SCNN1D: variants seen among roughly 807,000 people sequenced by gnomAD.
SCNN1D encodes epithelial sodium channel subunit delta.
SCNN1D carries 104 observed loss-of-function variants against 87.8 expected under a neutral mutation model. The ratio of observed to expected loss-of-function variants is 1.18; its 90% confidence interval spans 1.01 to 1.39. The LOEUF is 1.39. Among genes scored for constraint, SCNN1D ranks in the 40% most tolerant of loss-of-function variants. The probability of loss-of-function intolerance (pLI) is 0.00; values close to 1 mark genes in which losing one functional copy is unlikely to be tolerated. For missense variants in SCNN1D, 1,324 were observed against 1,093.9 expected, an observed-to-expected ratio of 1.21 and a Z score of -2.97; for synonymous variants, 628 against 481.2, an observed-to-expected ratio of 1.31 and a Z score of -3.99.
In SCNN1D at chr1:1,290,329, A is replaced by G; in HGVS notation, c.1721A>G (p.Tyr574Cys). ...GTGGAGACCTGCTCCTGTGGCTACT[A>G]CCTCCACCCTCTGCCGGCGGGGGCT... Reference protein sequence around the residue: ...LMVETCSCGYYLHPLPAGAEY... With the variant: ...LMVETCSCGYCLHPLPAGAEY... Residue 574 changes from tyrosine to cysteine, a missense_variant, in exon 13 of 18, where the codon TAC becomes TGC. By Grantham distance (194) the Tyr-to-Cys change is radical. Transcript: ENST00000379116. The G allele has an allele frequency of 6.3e-7, 1 of 1,594,480 alleles. No homozygotes were observed.
chr1:1,284,307 GT>G (rs1640538370), intron 5 of SCNN1D, among the ~76,000 whole-genome samples: 1 of 102,200 alleles, frequency 9.8e-6, no homozygotes. Flanking sequence ...GGGGATTGGG[GT>G]GGGGGGTAGG....
intron 3 of SCNN1D, 99 bp downstream of exon 3, chr1:1,281,709 C>A: frequency 1.8e-6 from 2 of 1,101,320 alleles, no homozygotes; most frequent in Non-Finnish European, 1.3e-6. Context: ...CTGACTGAGG[C>A]CCTGCAGGGC....
intron 9 of SCNN1D, 82 bp from the exon 10 acceptor site, chr1:1,287,426 A>G: frequency 4.0e-6 from 6 of 1,488,162 alleles, no homozygotes; most frequent in Non-Finnish European, 4.5e-6. Flanking sequence ...CCGCAGACAC[A>G]GGGCAGGCCA....
At chr1:1,280,893 A>C in intron 1 of SCNN1D, 1 of 583,050 alleles carries the variant, frequency 1.7e-6, no homozygotes, top group Non-Finnish European at 3.1e-6. Flanking sequence ...CACCCAGGCC[A>C]GCAGCCGGGG....
At chr1:1,284,924 C>G (rs1168112317) in intron 5 of SCNN1D, among the ~76,000 whole-genome samples, 2 of 152,320 alleles carry the variant, frequency 1.3e-5, no homozygotes, top group East Asian at 3.9e-4. Context: ...GCTCCCGCTT[C>G]TGCTGGCCTG....
chr1:1,291,602 G>A lies in SCNN1D; in HGVS notation c.2401G>A (p.Asp801Asn). ...WAGPQPLETL[D>N]T is the part of the protein sequence containing the mutation. ...TGGGCCCCAGCCCCTTGAGACTCTG[G>A]ACACCTGAACCAGACCTGCCAGGGC... Residue 801 changes from aspartate to asparagine, a missense_variant, in exon 18 of 18, where the codon GAC becomes AAC. Physicochemically the swap from Asp to Asn is conservative, Grantham distance 23. Coordinates refer to ENST00000379116, the MANE Select transcript of SCNN1D (RefSeq NM_001130413.4). 1 of 1,534,610 alleles carries A rather than the reference G, an allele frequency of 6.5e-7. No homozygotes were observed.
At position 1,291,383 on chromosome 1, in the gene SCNN1D, CG is replaced by C; in HGVS notation, c.2184del (p.Leu729SerfsTer48). ...SALTLVLGGR[R>X]LRRAWFSWPR... ...CCTCACCCTGGTGCTAGGCGGCCGCCGGCTCCGCAGGGCGTGGTTCTCCTGG... is the reference window on the plus strand; with the variant it reads ...CCTCACCCTGGTGCTAGGCGGCCGCCGCTCCGCAGGGCGTGGTTCTCCTGG... On this transcript the variant is annotated frameshift_variant, in exon 18 of 18. Coordinates refer to ENST00000379116, the MANE Select transcript of SCNN1D (RefSeq NM_001130413.4). LOFTEE classifies it low-confidence loss of function (END_TRUNC). The C allele has an allele frequency of 1.2e-6, 2 of 1,608,564 alleles. No individual in the cohort carries two copies. Among genetic ancestry groups the C allele is most frequent in the Non-Finnish European group, 1.7e-6 (2 of 1,178,552 alleles).
intron 1 of SCNN1D, chr1:1,280,974 G>A (rs1023975581): frequency 1.4e-5 from 8 of 590,444 alleles, no homozygotes; most frequent in South Asian, 6.2e-5. Flanking sequence ...GCCCGGGGCC[G>A]AGGGGGCTCT....
intron 1 of SCNN1D, chr1:1,280,885 C>G (rs1291127508): frequency 1.7e-6 from 1 of 585,694 alleles, no homozygotes; most frequent in East Asian, 2.8e-5. Context: ...TCAGCACCCA[C>G]CCAGGCCAGC....
rs1020516448 is a variant in SCNN1D at position 1,280,610 on chromosome 1, C to T, written c.-52C>T. On this transcript the variant is annotated 5_prime_UTR_variant, in exon 1 of 18. The change creates a premature stop within an existing upstream ORF in the 5' untranslated region. Coordinates refer to ENST00000379116, the MANE Select transcript of SCNN1D (RefSeq NM_001130413.4). ...AACTATAAATGCTTCTCATCAGACT[C>T]AAGGCCTGAGGTGATGCTGATGCTG... 4.3e-6 allele frequency: 3 copies of T among 696,622 alleles called. No homozygotes were observed. Among genetic ancestry groups the T allele is most frequent in the Middle Eastern group, 3.4e-4 (1 of 2,952 alleles). The allele number at this position is 696,622 out of a possible 1,614,324, so 43.2% of individuals were successfully genotyped here. A position where few individuals can be genotyped will look rare whatever the true frequency, so the allele number is the denominator to read the frequency against.
Position 1,287,728 on chromosome 1 carries a change from G to A in SCNN1D, c.1455G>A (p.Thr485=), listed in dbSNP as rs138787219. ...AGCCTCACCTCCCTCTGCTGTCCAC[G>A]CTGGCCGGCATCAGGGTCATGGTTC... ...EQQPHLPLLS[T]LAGIRVMVHG... The change falls in exon 11 of 18, where the codon ACG becomes ACA. Residue 485 remains threonine, a synonymous_variant. Coordinates refer to ENST00000379116, the MANE Select transcript of SCNN1D (RefSeq NM_001130413.4). 3.5e-5 allele frequency: 57 copies of A among 1,608,852 alleles called. No homozygotes were observed. Among genetic ancestry groups the A allele is most frequent in the South Asian group, 1.5e-4 (14 of 90,514 alleles).
chr1:1,287,903 G>C, intron 11 of SCNN1D, 36 bp from the exon 12 acceptor site: 1 of 1,525,582 alleles, frequency 6.6e-7, no homozygotes, highest in Non-Finnish European at 8.8e-7. Flanking sequence ...TGGGGGGTGA[G>C]GGCAGGGCCC....
chr1:1,290,563 G>C lies in SCNN1D; in HGVS notation c.1859+8G>C. 6.2e-7 allele frequency: 1 copy of C among 1,612,566 alleles called. No individual in the cohort carries two copies. The highest frequency in any genetic ancestry group is 8.5e-7 in the Non-Finnish European group (1 of 1,179,878). The stretch of plus-strand genomic sequence containing the variant: ...CTGCCCCAGGCCCTGCAGGTGAGAC[G>C]GGGGTGTTGGGGTCGCGGCCAGGGA... On this transcript the variant is annotated splice_region_variant and intron_variant, in intron 14 of 17. Transcript: ENST00000379116.
intron 3 of SCNN1D, chr1:1,281,822 C>T (rs1385064170): frequency 3.3e-6 from 2 of 598,942 alleles, no homozygotes; most frequent in Non-Finnish European, 5.9e-6. Flanking sequence ...TGGACCGGGC[C>T]CCACTGGCCG....
intron 5 of SCNN1D, 35 bp from the exon 6 acceptor site, chr1:1,285,536 C>G (rs372045494): frequency 7.2e-7 from 1 of 1,386,246 alleles, no homozygotes; most frequent in Non-Finnish European, 9.7e-7. Flanking sequence ...CCACGCGGGG[C>G]GCATGGACAC....
At chr1:1,289,660 C>T (rs866279730) in intron 12 of SCNN1D, among the ~76,000 whole-genome samples, 30 of 636 alleles carry the variant, frequency 0.047, no homozygotes, top group Admixed American at 0.071. Flanking sequence ...GTCCCGTGTC[C>T]CTGCTCCGTC....
In SCNN1D at chr1:1,287,945, G is replaced by A. The variant is rs367878394; in HGVS notation, c.1570G>A (p.Val524Met). Residue 524 changes from valine (V) to methionine (M), a missense_variant, in exon 12 of 18, where the codon GTG becomes ATG. Coordinates refer to ENST00000379116, the MANE Select transcript of SCNN1D (RefSeq NM_001130413.4). Reference protein sequence around the residue: ...EATISIREDEVHRLGSPYGHC... With the variant: ...EATISIREDEMHRLGSPYGHC... Reference sequence around the variant, plus strand: ...CTGAAGCGTCCCCTCCCAGGACGAGGTGCACCGGCTCGGGAGCCCCTACGG... The same window carrying A: ...CTGAAGCGTCCCCTCCCAGGACGAGATGCACCGGCTCGGGAGCCCCTACGG... 1.8e-5 allele frequency: 28 copies of A among 1,543,472 alleles called. No individual in the cohort carries two copies. The African/African-American group carries it at 2.6e-4, about 14-fold the overall frequency.
intron 7 of SCNN1D, 129 bp from the exon 8 acceptor site, chr1:1,286,638 TG>T: frequency 1.1e-6 from 1 of 881,952 alleles, no homozygotes; most frequent in Non-Finnish European, 1.7e-6. Context: ...ACTCCAGCTC[TG>T]GGTCCAGCTC....
At chr1:1,285,135 C>A (rs1640561420) in intron 5 of SCNN1D, among the ~76,000 whole-genome samples, 1 of 152,314 alleles carries the variant, frequency 6.6e-6, no homozygotes, top group East Asian at 1.9e-4. Flanking sequence ...GCCCACACAC[C>A]CGAGGGGAGC....
Sources: allele counts gnomAD v4.1 joint callset (sites outside exome capture counted in the v4.1 genomes callset), GRCh38; gene constraint gnomAD v4.1.1; transcripts MANE v1.5; gene names NCBI Gene and HGNC (gene_info 2026-07-23, HGNC 2026-07-21).